NEK11: variants seen among roughly 807,000 people sequenced by gnomAD.
The protein encoded by NEK11 is serine/threonine-protein kinase Nek11.
A neutral mutation model predicts 80.7 loss-of-function variants in NEK11; 72 were observed. The ratio of observed to expected loss-of-function variants is 0.89; its 90% CI spans 0.74 to 1.08. The LOEUF (loss-of-function observed/expected upper bound fraction) is 1.08. Ranked by LOEUF, NEK11 falls within the 50% of genes least tolerant of loss-of-function variation. NEK11 has a pLI of 0.00. For synonymous variants in NEK11, 251 were observed against 260.7 expected, an observed-to-expected ratio of 0.96 and a Z score of 0.36; for missense variants, 764 against 763.6, an observed-to-expected ratio of 1.00 and a Z score of -0.01.
At chr3:131,288,968 C>G (rs1254539724) in intron 17 of NEK11, among the ~76,000 whole-genome samples, 2 of 152,166 alleles carry the variant, frequency 1.3e-5, no homozygotes, top group Non-Finnish European at 2.9e-5. Flanking sequence ...TTCCTTTCCC[C>G]TCCCAGATTA....
At chr3:131,153,783 G>A (rs370301955) in intron 9 of NEK11, among the ~76,000 whole-genome samples, 1 of 152,182 alleles carries the variant, frequency 6.6e-6, no homozygotes, top group East Asian at 1.9e-4. Flanking sequence ...TTGACTGCTA[G>A]TGAGAGAATC....
intron 11 of NEK11, among the ~76,000 whole-genome samples, chr3:131,163,566 A>G (rs1466685512): frequency 6.6e-6 from 1 of 152,046 alleles, no homozygotes; most frequent in Non-Finnish European, 1.5e-5. Flanking sequence ...GGAGAGTAGA[A>G]TGGGGTTACT....
At chr3:131,161,746 G>A (rs182780374) in intron 10 of NEK11, among the ~76,000 whole-genome samples, 271 of 152,236 alleles carry the variant, frequency 1.8e-3, no homozygotes, top group Admixed American at 3.8e-3. Flanking sequence ...GGCTTAATAC[G>A]TGGGTGACAA....
intron 4 of NEK11, among the ~76,000 whole-genome samples, chr3:131,084,591 A>G (rs1173128905): frequency 1.3e-5 from 2 of 152,214 alleles, no homozygotes; most frequent in African/African-American, 2.4e-5. Context: ...GTGAGATCAC[A>G]TATCTTCAGG....
chr3:131,119,968 G>T (rs1355579596), intron 5 of NEK11, among the ~76,000 whole-genome samples: 1 of 152,062 alleles, frequency 6.6e-6, no homozygotes, highest in African/African-American at 2.4e-5. Context: ...GGAGCATTTC[G>T]CCCATTTACA....
At chr3:131,307,512 C>T (rs995515692) in intron 17 of NEK11, among the ~76,000 whole-genome samples, 31 of 152,170 alleles carry the variant, frequency 2.0e-4, no homozygotes, top group African/African-American at 7.2e-4. Flanking sequence ...ATTTAATCCC[C>T]TTTTACATAA....
intron 11 of NEK11, 57 bp downstream of exon 11, chr3:131,162,584 G>A (rs2091761678): frequency 1.3e-6 from 2 of 1,589,126 alleles, no homozygotes; most frequent in Non-Finnish European, 1.7e-6. Context: ...GGGCTCTCAG[G>A]GAATTTACAG....
chr3:131,246,904 G>A (rs949851384), intron 16 of NEK11, among the ~76,000 whole-genome samples: 1 of 151,896 alleles, frequency 6.6e-6, no homozygotes, highest in Non-Finnish European at 1.5e-5. Context: ...TTGGCCATTT[G>A]TATATCTTCT....
intron 7 of NEK11, among the ~76,000 whole-genome samples, chr3:131,136,205 A>C (rs2085536598): frequency 6.6e-6 from 1 of 152,168 alleles, no homozygotes; most frequent in Admixed American, 6.5e-5. Flanking sequence ...ACCCTAAATA[A>C]CCACCTTATT....
At chr3:131,070,861 T>G (rs1577801848) in intron 3 of NEK11, among the ~76,000 whole-genome samples, 1 of 152,326 alleles carries the variant, frequency 6.6e-6, no homozygotes, top group Admixed American at 6.5e-5. Flanking sequence ...TGTAACTTGC[T>G]TTGTGACCTT....
intron 17 of NEK11, among the ~76,000 whole-genome samples, chr3:131,344,928 C>T (rs528103727): frequency 3.0e-4 from 46 of 152,342 alleles, no homozygotes; most frequent in African/African-American, 1.0e-3. Flanking sequence ...TACAATTCAA[C>T]ATGAGATTTG....
chr3:131,203,184 G>A (rs990120637), intron 14 of NEK11, among the ~76,000 whole-genome samples: 53 of 152,076 alleles, frequency 3.5e-4, no homozygotes, highest in Non-Finnish European at 1.9e-4. Context: ...CAACCCAAAT[G>A]TCCATCAATG....
At chr3:131,273,434 A>C in intron 16 of NEK11, 44 bp from the exon 17 acceptor site, 1 of 1,484,228 alleles carries the variant, frequency 6.7e-7, no homozygotes, top group Non-Finnish European at 9.4e-7. Flanking sequence ...TTGAAGTTGC[A>C]GGATTGCTGA....
chr3:131,065,148 T>C (rs531534403), intron 3 of NEK11, among the ~76,000 whole-genome samples: 1 of 152,354 alleles, frequency 6.6e-6, no homozygotes, highest in South Asian at 2.1e-4. Flanking sequence ...AGAAAGAGCT[T>C]TGGTCTTAAA....
At chr3:131,269,829 G>T (rs1333141909) in intron 16 of NEK11, among the ~76,000 whole-genome samples, 4 of 152,196 alleles carry the variant, frequency 2.6e-5, no homozygotes, top group Admixed American at 1.3e-4. Flanking sequence ...AGAGCCCTAG[G>T]TTCAGGAAGG....
At position 131,284,994 on chromosome 3, in the gene NEK11, T is replaced by C. The variant is rs778534486; in HGVS notation, c.1718+11420T>C. ...CTCCCTTTCATATATACATCTATCCTATTAGTTCTGTCCCTCTAGAGAACC... is the reference window on the plus strand; with the variant it reads ...CTCCCTTTCATATATACATCTATCCCATTAGTTCTGTCCCTCTAGAGAACC... On this transcript the variant is annotated intron_variant, in intron 17 of 17. Transcript: ENST00000383366. Among the ~76,000 whole-genome samples, 31 of 152,252 alleles carry C rather than the reference T, an allele frequency of 2.0e-4. 1 individual carries two copies. The highest frequency in any genetic ancestry group is 3.8e-4 in the Non-Finnish European group (26 of 68,040).
intron 5 of NEK11, among the ~76,000 whole-genome samples, chr3:131,127,732 G>A (rs2083609485): frequency 8.7e-6 from 1 of 115,232 alleles, no homozygotes; most frequent in South Asian, 2.7e-4. Flanking sequence ...GTGAAATATT[G>A]AGAGATGTTA....
intron 3 of NEK11, among the ~76,000 whole-genome samples, chr3:131,053,016 C>T (rs1266519529): frequency 6.6e-6 from 1 of 152,036 alleles, no homozygotes; most frequent in Non-Finnish European, 1.5e-5. Flanking sequence ...TCTTTCCCGC[C>T]CCCCGGGACA....
intron 3 of NEK11, among the ~76,000 whole-genome samples, chr3:131,038,252 G>T (rs1465071364): frequency 1.3e-5 from 2 of 152,124 alleles, no homozygotes; most frequent in Admixed American, 1.3e-4. Context: ...TTCACTTTGG[G>T]CTTTGTCAGT....
Sources: gnomAD v4.1 joint callset for allele counts (sites outside exome capture counted in the v4.1 genomes callset) on GRCh38, gnomAD v4.1.1 for gene constraint, MANE v1.5 for transcripts, NCBI Gene and HGNC (gene_info 2026-07-23, HGNC 2026-07-21) for gene names.